The following TRIT1 variants were observed in gnomAD, a reference collection of about 807,000 sequenced individuals.
TRIT1 encodes the protein tRNA isopentenyltransferase 1.
In TRIT1, 43 loss-of-function variants were observed where a neutral mutation model predicts 51.2. That is an observed-to-expected ratio of 0.84 (90% CI 0.66 to 1.08). TRIT1 has a LOEUF of 1.08. Among genes scored for constraint, TRIT1 ranks in the 50% least tolerant of loss-of-function variants. The probability of loss-of-function intolerance (pLI) is 0.00; values close to 1 mark genes in which losing one functional copy is unlikely to be tolerated. For synonymous variants in TRIT1, 184 were observed against 203.9 expected, an observed-to-expected ratio of 0.90 and a Z score of 0.83; for missense variants, 528 against 578.4, an observed-to-expected ratio of 0.91 and a Z score of 0.89.
chr1:39,872,357 A>T (rs1277543488), intron 1 of TRIT1, among the ~76,000 whole-genome samples: 2 of 152,210 alleles, frequency 1.3e-5, no homozygotes, highest in African/African-American at 4.8e-5. Context: ...GTAACTTCAT[A>T]AAACAATGTT....
In TRIT1 at chr1:39,852,746, T is replaced by G; in HGVS notation, c.545A>C (p.Lys182Thr). ...EMAAKLHPHD[K>T]RKVARSLQVF... ...GCTTTCTTACCTGGCCACTTTGCGT[T>G]TGTCATGTGGATGCAGCTTGGCAGC... The change falls in exon 4 of 11, where the codon AAA becomes ACA. Residue 182 changes from lysine to threonine, a missense_variant. Lys to Thr is a moderately conservative substitution (Grantham distance 78, BLOSUM62 -1). Transcript: ENST00000316891. 1 of 1,613,926 alleles carries G rather than the reference T, an allele frequency of 6.2e-7. No homozygotes were observed. The highest frequency in any genetic ancestry group is 2.2e-5 in the East Asian group (1 of 44,872).
intron 1 of TRIT1, among the ~76,000 whole-genome samples, chr1:39,881,393 A>G (rs1352485891): frequency 6.6e-6 from 1 of 152,116 alleles, no homozygotes; most frequent in Non-Finnish European, 1.5e-5. Context: ...TTTTTTATCC[A>G]AGTACCATAC....
At position 39,858,080 on chromosome 1, in the gene TRIT1, T is replaced by C. The variant is rs1301948802; in HGVS notation, c.175-663A>G. On this transcript the variant is annotated intron_variant, in intron 1 of 10. Coordinates refer to ENST00000316891, the MANE Select transcript of TRIT1 (RefSeq NM_017646.6). Reference sequence around the variant, plus strand: ...TGATCTGCCAATTCGACTAAAAAGTTCAAGTGTACTTTTTCTAAATGCAAG... The same window carrying C: ...TGATCTGCCAATTCGACTAAAAAGTCCAAGTGTACTTTTTCTAAATGCAAG... Among the ~76,000 whole-genome samples, 6 of 152,182 alleles carry C rather than the reference T, an allele frequency of 3.9e-5. No homozygotes were observed. The East Asian group carries it at 1.2e-3, about 29-fold the overall frequency.
Position 39,847,572 on chromosome 1 carries a change from T to C in TRIT1, c.904A>G (p.Thr302Ala). ...CCTTTCTTTAGAAGCTGGTTACTAGTCTCCAGTGTGCATTTTCCCTCAGTG... is the reference window on the plus strand; with the variant it reads ...CCTTTCTTTAGAAGCTGGTTACTAGCCTCCAGTGTGCATTTTCCCTCAGTG... The part of the protein sequence containing the change: ...LITEGKCTLE[T>A]SNQLLKKGIE... Residue 302 changes from threonine to alanine, a missense_variant, in exon 7 of 11, where the codon ACT becomes GCT. By Grantham distance (58) the Thr-to-Ala change is moderately conservative. Transcript: ENST00000316891. 2 of 1,614,216 alleles carry C rather than the reference T, an allele frequency of 1.2e-6. No individual in the cohort carries two copies. The highest frequency in any genetic ancestry group is 1.7e-6 in the Non-Finnish European group (2 of 1,180,038).
intron 1 of TRIT1, among the ~76,000 whole-genome samples, chr1:39,858,290 A>C (rs1643017764): frequency 6.6e-6 from 1 of 152,172 alleles, no homozygotes; most frequent in Admixed American, 6.5e-5. Flanking sequence ...ACGGGTGTCA[A>C]ATAAGTACAG....
At chr1:39,870,921 C>T (rs1372737020) in intron 1 of TRIT1, among the ~76,000 whole-genome samples, 1 of 152,122 alleles carries the variant, frequency 6.6e-6, no homozygotes, top group Non-Finnish European at 1.5e-5. Context: ...ACACCAGGCG[C>T]GGTAGCTCAC....
intron 2 of TRIT1, among the ~76,000 whole-genome samples, chr1:39,855,081 A>G (rs1292352850): frequency 6.6e-6 from 1 of 152,180 alleles, no homozygotes; most frequent in African/African-American, 2.4e-5. Flanking sequence ...TGAACTCCTG[A>G]GCTCAAGCAA....
rs753832413 is a variant in TRIT1 at position 39,841,933 on chromosome 1, C to A, written c.1235-20G>T. On this transcript the variant is annotated intron_variant, in intron 10 of 10. Transcript: ENST00000316891. ...TGTGCGCTGATAAGACAAAATCAAA[C>A]CAAACAAACAAAAAAACTCATTAGG... 1.9e-6 allele frequency: 3 copies of A among 1,581,120 alleles called. No individual in the cohort carries two copies. Among genetic ancestry groups the A allele is most frequent in the African/African-American group, 1.4e-5 (1 of 72,822 alleles).
Position 39,852,796 on chromosome 1 carries a change from G to C in TRIT1, c.495C>G (p.Arg165=). ...EKEDGLVLHK[R]LSQVDPEMAA... ...CCATTTCTGGGTCCACCTGGCTTAG[G>C]CGTTTGTGAAGTACAAGACCATCCT... Residue 165 remains arginine (R), a synonymous_variant, in exon 4 of 11, where the codon CGC becomes CGG. Coordinates refer to ENST00000316891, the MANE Select transcript of TRIT1 (RefSeq NM_017646.6). 5.6e-6 allele frequency: 9 copies of C among 1,614,128 alleles called. No individual in the cohort carries two copies. Among genetic ancestry groups the C allele is most frequent in the Non-Finnish European group, 7.6e-6 (9 of 1,180,010 alleles).
rs755567910 is a variant in TRIT1, at chr1:39,840,131, C to T, written c.*1613G>A. 4.6e-5 allele frequency among the ~76,000 whole-genome samples: 7 copies of T among 152,244 alleles called. No individual in the cohort carries two copies. Among genetic ancestry groups the T allele is most frequent in the East Asian group, 3.9e-4 (2 of 5,186 alleles). On this transcript the variant is annotated 3_prime_UTR_variant, in exon 11 of 11. Coordinates refer to ENST00000316891, the MANE Select transcript of TRIT1 (RefSeq NM_017646.6). ...TGTGTGAGAAGATAACATATAAAAA[C>T]GACTTGGCACTGCTTGGCTCACAGT... is the stretch of plus-strand genomic sequence containing the variant.
chr1:39,851,377 G>A (rs560291470), intron 4 of TRIT1, among the ~76,000 whole-genome samples: 1 of 152,178 alleles, frequency 6.6e-6, no homozygotes, highest in South Asian at 2.1e-4. Context: ...GAACTGATTA[G>A]TAAAAGGAGA....
chr1:39,863,453 C>G (rs1474286867), intron 1 of TRIT1, among the ~76,000 whole-genome samples: 2 of 152,116 alleles, frequency 1.3e-5, no homozygotes, highest in African/African-American at 4.8e-5. Context: ...GAGCAAGACC[C>G]TGTCTCTTAA....
chr1:39,843,802 C>T (rs1642061976), intron 10 of TRIT1, among the ~76,000 whole-genome samples: 1 of 152,168 alleles, frequency 6.6e-6, no homozygotes, highest in Non-Finnish European at 1.5e-5. Context: ...GGCCAAGAAA[C>T]TCCTCCAAGC....
At chr1:39,877,351 GAACA>G (rs893058504) in intron 1 of TRIT1, among the ~76,000 whole-genome samples, 1 of 116,590 alleles carries the variant, frequency 8.6e-6, no homozygotes, top group African/African-American at 3.3e-5. Context: ...AAAAAAAAAA[GAACA>G]AAGAGCTCCA....
Position 39,867,028 on chromosome 1 carries a change from G to A in TRIT1, c.175-9611C>T, listed in dbSNP as rs547771160. Reference sequence around the variant, plus strand: ...CAGGAGAATCTGTGCCTGATCTGTTGAGTCAGTGTGATGAGACTCATGGTT... The same window carrying A: ...CAGGAGAATCTGTGCCTGATCTGTTAAGTCAGTGTGATGAGACTCATGGTT... On this transcript the variant is annotated intron_variant, in intron 1 of 10. Transcript: ENST00000316891. 7.9e-5 allele frequency among the ~76,000 whole-genome samples: 12 copies of A among 152,288 alleles called. No homozygotes were observed. The East Asian group carries it at 2.3e-3, about 29-fold the overall frequency.
intron 1 of TRIT1, among the ~76,000 whole-genome samples, chr1:39,876,297 T>C (rs1489432643): frequency 6.6e-6 from 1 of 152,210 alleles, no homozygotes; most frequent in Non-Finnish European, 1.5e-5. Context: ...CTCATCCTCA[T>C]GAATCTGAAT....
chr1:39,852,155 A>G (rs1642616415), intron 4 of TRIT1, among the ~76,000 whole-genome samples: 1 of 152,160 alleles, frequency 6.6e-6, no homozygotes. Flanking sequence ...TAGATGTTCT[A>G]CTATGCTGGA....
At chr1:39,880,667 C>A (rs781167101) in intron 1 of TRIT1, among the ~76,000 whole-genome samples, 1 of 151,874 alleles carries the variant, frequency 6.6e-6, no homozygotes, top group East Asian at 1.9e-4. Flanking sequence ...AGCATGGTGG[C>A]GGGCGTCTGT....
chr1:39,849,744 G>A (rs1642450900), intron 5 of TRIT1, among the ~76,000 whole-genome samples: 1 of 152,204 alleles, frequency 6.6e-6, no homozygotes, highest in Non-Finnish European at 1.5e-5. Flanking sequence ...CATCAGGCTA[G>A]CAAGCTAATT....
Sources: allele counts gnomAD v4.1 joint callset (sites outside exome capture counted in the v4.1 genomes callset), GRCh38; gene constraint gnomAD v4.1.1; transcripts MANE v1.5; gene names NCBI Gene and HGNC (gene_info 2026-07-23, HGNC 2026-07-21).